Variants in SCMH1 observed in about 807,000 individuals in gnomAD.
SCMH1 encodes the protein polycomb protein SCMH1.
A neutral mutation model predicts 70.8 loss-of-function variants in SCMH1; 37 were observed. The observed-to-expected ratio is 0.52, with a 90% CI of 0.40 to 0.69. The LOEUF is 0.69. Among genes scored for constraint, SCMH1 ranks in the 30% least tolerant of loss-of-function variants. The pLI is 0.00. For missense variants in SCMH1, 607 were observed against 827.3 expected, an observed-to-expected ratio of 0.73 and a Z score of 3.27; for synonymous variants, 292 against 307.4, an observed-to-expected ratio of 0.95 and a Z score of 0.52.
intron 10 of SCMH1, among the ~76,000 whole-genome samples, chr1:41,060,241 A>G (rs1652128605): frequency 6.6e-6 from 1 of 152,166 alleles, no homozygotes; most frequent in African/African-American, 2.4e-5. Context: ...TAGGCATATC[A>G]TTTTCAAACT....
At chr1:41,136,145 C>T (rs2148141562) in intron 6 of SCMH1, among the ~76,000 whole-genome samples, 1 of 151,944 alleles carries the variant, frequency 6.6e-6, no homozygotes, top group South Asian at 2.1e-4. Flanking sequence ...AGAGTTTTGC[C>T]ATGCTGCCCA....
chr1:41,037,517 C>A, exon 13 of SCMH1: 1 of 1,614,150 alleles, frequency 6.2e-7, no homozygotes, highest in Non-Finnish European at 8.5e-7. Flanking sequence ...GCGGGCCAGA[C>A]TATTCCCCAG....
rs1464089724 is a variant in SCMH1, at chr1:41,161,354, T to C, written c.82+10A>G. 6.5e-6 allele frequency: 10 copies of C among 1,548,136 alleles called. No individual in the cohort carries two copies. Among genetic ancestry groups the C allele is most frequent in the Non-Finnish European group, 8.7e-6 (10 of 1,146,448 alleles). On this transcript the variant is annotated intron_variant, in intron 3 of 14. Coordinates refer to ENST00000337495, the Ensembl canonical transcript of SCMH1. Reference sequence around the variant, plus strand: ...TTTTTCCACACCAAACGGAGTTTTTTCCCCCTTACCTTGATATTGGGATGC... The same window carrying C: ...TTTTTCCACACCAAACGGAGTTTTTCCCCCCTTACCTTGATATTGGGATGC...
At chr1:41,120,116 G>A (rs1671553576) in intron 6 of SCMH1, among the ~76,000 whole-genome samples, 1 of 152,126 alleles carries the variant, frequency 6.6e-6, no homozygotes, top group Non-Finnish European at 1.5e-5. Context: ...AGGGAGGCCT[G>A]CACAATTAGA....
chr1:41,136,819 C>T (rs1282233377), intron 6 of SCMH1, among the ~76,000 whole-genome samples: 1 of 144,852 alleles, frequency 6.9e-6, no homozygotes, highest in Non-Finnish European at 1.5e-5. Flanking sequence ...ACCCTGTGGC[C>T]TAGGTTGCAG....
At chr1:41,115,037 T>C (rs969890782) in intron 7 of SCMH1, among the ~76,000 whole-genome samples, 2 of 152,166 alleles carry the variant, frequency 1.3e-5, no homozygotes, top group African/African-American at 4.8e-5. Flanking sequence ...TCTATAAATA[T>C]CTCATGCTTT....
intron 1 of SCMH1, among the ~76,000 whole-genome samples, chr1:41,187,454 T>C (rs1161770345): frequency 2.8e-5 from 3 of 106,656 alleles, no homozygotes; most frequent in Non-Finnish European, 6.3e-5. Context: ...AGAGTGAGAC[T>C]TGGTCAAAAA....
intron 10 of SCMH1, among the ~76,000 whole-genome samples, chr1:41,067,144 TA>T (rs575753993): frequency 1.3e-5 from 2 of 150,626 alleles, no homozygotes; most frequent in African/African-American, 2.4e-5. Flanking sequence ...TTTTCAGTGC[TA>T]AAAAAAAATG....
intron 8 of SCMH1, among the ~76,000 whole-genome samples, chr1:41,107,644 C>G (rs1443185301): frequency 6.6e-6 from 1 of 152,090 alleles, no homozygotes; most frequent in Non-Finnish European, 1.5e-5. Flanking sequence ...CTCAGCCTCC[C>G]GAGTAGCTGG....
chr1:41,038,449 T>G (rs987195853), intron 12 of SCMH1, among the ~76,000 whole-genome samples: 1 of 152,194 alleles, frequency 6.6e-6, no homozygotes, highest in African/African-American at 2.4e-5. Context: ...TTATCATTTT[T>G]CAAAGACATC....
intron 8 of SCMH1, among the ~76,000 whole-genome samples, chr1:41,095,334 T>C (rs767080565): frequency 6.6e-6 from 1 of 152,218 alleles, no homozygotes; most frequent in Non-Finnish European, 1.5e-5. Context: ...ATATTCCATG[T>C]AGTCCCCAAA....
intron 6 of SCMH1, among the ~76,000 whole-genome samples, chr1:41,131,432 T>C (rs550416152): frequency 2.6e-5 from 4 of 152,336 alleles, no homozygotes; most frequent in African/African-American, 9.6e-5. Flanking sequence ...GCAGTTGGGA[T>C]TTTGATAGGG....
chr1:41,098,886 A>G, intron 8 of SCMH1: 1 of 184,272 alleles, frequency 5.4e-6, no homozygotes, highest in Non-Finnish European at 1.1e-5. Flanking sequence ...GAAAGAAATA[A>G]GCGTGACCGC....
chr1:41,164,702 T>C (rs560874736), intron 2 of SCMH1, among the ~76,000 whole-genome samples: 4 of 152,246 alleles, frequency 2.6e-5, no homozygotes, highest in East Asian at 1.9e-4. Context: ...GAGTCTCTCA[T>C]CCTCTCAAAA....
At chr1:41,182,997 G>A (rs1649244392) in intron 2 of SCMH1, among the ~76,000 whole-genome samples, 1 of 152,086 alleles carries the variant, frequency 6.6e-6, no homozygotes, top group Non-Finnish European at 1.5e-5. Context: ...AGTGTTCTAA[G>A]AATAATGGCC....
At chr1:41,234,453 CTTTTTTTTTTTTTTTTTTT>C (rs66686109) in intron 1 of SCMH1, among the ~76,000 whole-genome samples, 2 of 49,420 alleles carry the variant, frequency 4.0e-5, no homozygotes, top group East Asian at 7.8e-4. Flanking sequence ...AACTCTGCCT[CTTTTTTTTTTTTTTTTTTT>C]TTTTTTTTTT....
Position 41,031,315 on chromosome 1 carries a change from A to AC in SCMH1, c.1679-2590dup, listed in dbSNP as rs1644484652. Among the ~76,000 whole-genome samples the AC allele has an allele frequency of 2.7e-5, 4 of 148,230 alleles. No homozygotes were observed. The Admixed American group carries it at 2.7e-4, about 10-fold the overall frequency. The stretch of plus-strand genomic sequence containing the variant: ...AAAAACAAACAATAAACAAACAACC[A>AC]CCCCCCTCCCCCACCGCCACCACAC... On this transcript the variant is annotated intron_variant, in intron 13 of 14. Transcript: ENST00000337495.
intron 1 of SCMH1, among the ~76,000 whole-genome samples, chr1:41,192,794 G>A (rs1466565799): frequency 1.3e-5 from 2 of 152,106 alleles, no homozygotes. Flanking sequence ...CTACTACTAT[G>A]GCTTGTTTTC....
chr1:41,049,498 G>T (rs898303715), intron 10 of SCMH1, among the ~76,000 whole-genome samples: 1 of 152,006 alleles, frequency 6.6e-6, no homozygotes, highest in Non-Finnish European at 1.5e-5. Context: ...TGGGCTGGGC[G>T]TGGTGGCTCA....
Sources: gnomAD v4.1 joint callset for allele counts (sites outside exome capture counted in the v4.1 genomes callset) on GRCh38, gnomAD v4.1.1 for gene constraint, MANE v1.5 for transcripts, NCBI Gene and HGNC (gene_info 2026-07-23, HGNC 2026-07-21) for gene names.